PTPN2: variants seen among roughly 807,000 people sequenced by gnomAD.
PTPN2 encodes the protein tyrosine-protein phosphatase non-receptor type 2.
Under a neutral mutation model 57.3 loss-of-function variants are expected in PTPN2, and 19 were observed. The ratio of observed to expected loss-of-function variants is 0.33; its 90% confidence interval spans 0.23 to 0.49. The LOEUF (loss-of-function observed/expected upper bound fraction) is 0.49. PTPN2 is among the 20% of genes least tolerant of loss of function. The pLI, the probability that PTPN2 is intolerant of heterozygous loss-of-function variation, is 0.99. For synonymous variants in PTPN2, 153 were observed against 164.9 expected (o/e 0.93, Z 0.55); for missense variants, 358 against 501.1 (o/e 0.71, Z 2.73).
chr18:12,846,345 C>T (rs1273815585), intron 2 of PTPN2, among the ~76,000 whole-genome samples: 1 of 152,154 alleles, frequency 6.6e-6, no homozygotes, highest in Non-Finnish European at 1.5e-5. Flanking sequence ...CTTTAGTATC[C>T]ATTTCAATAT....
chr18:12,800,539 A>T (rs2041378001), intron 8 of PTPN2, among the ~76,000 whole-genome samples: 1 of 152,194 alleles, frequency 6.6e-6, no homozygotes, highest in South Asian at 2.1e-4. Context: ...TGGGAATAAC[A>T]TTACTAAATC....
At chr18:12,818,580 A>G (rs566628416) in intron 5 of PTPN2, among the ~76,000 whole-genome samples, 1 of 151,726 alleles carries the variant, frequency 6.6e-6, no homozygotes, top group Admixed American at 6.6e-5. Flanking sequence ...TCTCTGCTTT[A>G]TACTCTTCAT....
At chr18:12,881,432 G>C (rs1469876008) in intron 1 of PTPN2, among the ~76,000 whole-genome samples, 1 of 151,306 alleles carries the variant, frequency 6.6e-6, no homozygotes, top group East Asian at 1.9e-4. Flanking sequence ...GCGGGACTCT[G>C]TCAAAAAAAA....
intron 8 of PTPN2, among the ~76,000 whole-genome samples, chr18:12,796,787 G>T (rs1467850195): frequency 6.6e-6 from 1 of 152,076 alleles, no homozygotes; most frequent in African/African-American, 2.4e-5. Flanking sequence ...TCTCATTTCA[G>T]TTCTACTCTT....
At chr18:12,809,648 G>A (rs1229715749) in intron 7 of PTPN2, among the ~76,000 whole-genome samples, 4 of 152,170 alleles carry the variant, frequency 2.6e-5, no homozygotes, top group Admixed American at 6.5e-5. Flanking sequence ...AATAAATAAG[G>A]AATACTCTAC....
intron 1 of PTPN2, among the ~76,000 whole-genome samples, chr18:12,871,019 A>G (rs541968303): frequency 2.0e-4 from 31 of 152,256 alleles, no homozygotes; most frequent in Admixed American, 3.3e-4. Context: ...TTCTATCCAT[A>G]TATAAGCCAG....
At chr18:12,812,121 A>G (rs1194736631) in intron 7 of PTPN2, among the ~76,000 whole-genome samples, 1 of 152,208 alleles carries the variant, frequency 6.6e-6, no homozygotes, top group Non-Finnish European at 1.5e-5. Context: ...CATCATCAAT[A>G]CTGGGAATAT....
rs566513306 is a variant in PTPN2 at position 12,812,604 on chromosome 18, A to G, written c.858+1599T>C. Among the ~76,000 whole-genome samples the G allele has an allele frequency of 2.6e-5, 4 of 152,310 alleles. No homozygotes were observed. In the East Asian group the frequency reaches 7.7e-4, roughly 29 times the overall value. On this transcript the variant is annotated intron_variant, in intron 7 of 8. Coordinates refer to ENST00000309660, the MANE Select transcript of PTPN2 (RefSeq NM_002828.4). ...ACAAGAGCAAAACTGCGTCTCAAAA[A>G]AAGAAAAAAAAACCAGTAGCATGTG...
chr18:12,794,371 C>T lies in PTPN2; in HGVS notation c.1155G>A (p.Trp385Ter). ...ACCCCATCTTAGTGAGAATAGGTTG[C>T]CAATATAACCACCTTTTTCTTTTTC... ...NERKRKRWLY[W>*]QPILTKMGFM... Residue 385 changes from tryptophan (W) to a stop codon, truncating the protein, a stop_gained, in exon 9 of 9, where the codon TGG becomes TGA. Transcript: ENST00000309660. LOFTEE classifies it high-confidence loss of function. 1.2e-6 allele frequency: 2 copies of T among 1,614,180 alleles called. No individual in the cohort carries two copies. Among genetic ancestry groups the T allele is most frequent in the Non-Finnish European group, 1.7e-6 (2 of 1,180,026 alleles).
At position 12,823,413 on chromosome 18, in the gene PTPN2, C is replaced by G. The variant is rs537719635; in HGVS notation, c.495+2397G>C. 8.5e-4 allele frequency among the ~76,000 whole-genome samples: 130 copies of G among 152,296 alleles called. 1 individual carries two copies. The highest frequency in any genetic ancestry group is 3.4e-3 in the Middle Eastern group (1 of 294). The stretch of plus-strand genomic sequence containing the variant: ...AGATGGCCGGGCGTGTTGGCTCACA[C>G]CTGTAATCCCAGCACTTTGGGAGGC... On this transcript the variant is annotated intron_variant, in intron 5 of 8. Transcript: ENST00000309660.
In PTPN2 at chr18:12,793,287, A is replaced by G; in HGVS notation, c.*991T>C. 1.0e-6 allele frequency: 1 copy of G among 972,198 alleles called. No individual in the cohort carries two copies. Among genetic ancestry groups the G allele is most frequent in the Non-Finnish European group, 1.2e-6 (1 of 817,578 alleles). The allele number at this position is 972,198 out of a possible 1,614,324, so 60.2% of individuals were successfully genotyped here. A position where few individuals can be genotyped will look rare whatever the true frequency, so the allele number is the denominator to read the frequency against. ...AATCATACTATTTATTGAAGTAGAA[A>G]GAAACTGAAAAGTGTTTACTTCAAA... On this transcript the variant is annotated 3_prime_UTR_variant, in exon 9 of 9. Transcript: ENST00000309660.
chr18:12,858,448 T>C (rs2043672031), intron 2 of PTPN2, among the ~76,000 whole-genome samples: 1 of 152,218 alleles, frequency 6.6e-6, no homozygotes. Context: ...GTTCACACAA[T>C]TGTGTGCGTC....
intron 8 of PTPN2, among the ~76,000 whole-genome samples, chr18:12,796,056 A>G (rs2041168917): frequency 6.6e-6 from 1 of 152,052 alleles, no homozygotes. Context: ...TTTAACCTGA[A>G]TTTAACTATG....
At chr18:12,843,624 G>A (rs184452435) in intron 2 of PTPN2, among the ~76,000 whole-genome samples, 1 of 152,248 alleles carries the variant, frequency 6.6e-6, no homozygotes, top group East Asian at 1.9e-4. Context: ...CGCTGGTGGA[G>A]GGCAGCAGGA....
In PTPN2 at chr18:12,882,874, A is replaced by T. The variant is rs574658189; in HGVS notation, c.69+1199T>A. ...AGCCCGTCTTTTACTTTACACAGAG[A>T]GAACCAAACATCAGAAGCAGCATTA... On this transcript the variant is annotated intron_variant, in intron 1 of 8. Transcript: ENST00000309660. Among the ~76,000 whole-genome samples the T allele has an allele frequency of 5.1e-4, 77 of 152,358 alleles. 1 individual carries two copies. Among genetic ancestry groups the T allele is most frequent in the African/African-American group, 1.8e-3 (75 of 41,580 alleles).
chr18:12,793,612 T>C lies in PTPN2; in HGVS notation c.*666A>G, dbSNP rs1167762778. 6 of 979,484 alleles carry C rather than the reference T, an allele frequency of 6.1e-6. No homozygotes were observed. Among genetic ancestry groups the C allele is most frequent in the Non-Finnish European group, 7.3e-6 (6 of 824,064 alleles). 60.7% of individuals were successfully genotyped at this position (979,484 alleles called of 1,614,324 possible). A position where few individuals can be genotyped will look rare whatever the true frequency, so the allele number is the denominator to read the frequency against. On this transcript the variant is annotated 3_prime_UTR_variant, in exon 9 of 9. Coordinates refer to ENST00000309660, the MANE Select transcript of PTPN2 (RefSeq NM_002828.4). ...AAAGAAATGCAATATATAGTAGAAATTGCTTATTCCAACTTCTAACTGCTC... is the reference window on the plus strand; with the variant it reads ...AAAGAAATGCAATATATAGTAGAAACTGCTTATTCCAACTTCTAACTGCTC...
chr18:12,816,403 C>G (rs2042075095), intron 6 of PTPN2, among the ~76,000 whole-genome samples: 1 of 152,156 alleles, frequency 6.6e-6, no homozygotes, highest in African/African-American at 2.4e-5. Flanking sequence ...AGAAACTAAG[C>G]TGCAGGGACT....
At chr18:12,839,458 C>T (rs923297184) in intron 2 of PTPN2, 3 of 152,170 alleles carry the variant, frequency 2.0e-5, no homozygotes, top group Non-Finnish European at 4.4e-5. Context: ...CATCCCATAA[C>T]CTTTGGGCTG....
At chr18:12,790,861 C>T (rs1172488730), downstream of PTPN2, among the ~76,000 whole-genome samples, 2 of 152,054 alleles carry the variant, frequency 1.3e-5, no homozygotes, top group African/African-American at 2.4e-5. Flanking sequence ...TTTTTTTCTT[C>T]CTTTCTCTTT....
Sources: allele counts gnomAD v4.1 joint callset (sites outside exome capture counted in the v4.1 genomes callset), GRCh38; gene constraint gnomAD v4.1.1; transcripts MANE v1.5; gene names NCBI Gene and HGNC (gene_info 2026-07-23, HGNC 2026-07-21).